The following B3GNT5 variants were observed in gnomAD, a reference collection of about 807,000 sequenced individuals.
B3GNT5 encodes UDP-GlcNAc:betaGal beta-1,3-N-acetylglucosaminyltransferase 5.
B3GNT5 carries 11 observed loss-of-function variants against 25.9 expected under a neutral mutation model. That is an observed-to-expected ratio of 0.42 (90% CI 0.27 to 0.70). B3GNT5 has a LOEUF of 0.70. B3GNT5 is among the 30% of genes least tolerant of loss of function. B3GNT5 has a pLI of 0.23. For synonymous variants in B3GNT5, 166 were observed against 158.6 expected (o/e 1.05, Z -0.35); for missense variants, 385 against 458.4 (o/e 0.84, Z 1.46).
At chr3:183,255,548 G>A (rs1263829721) in intron 1 of B3GNT5, among the ~76,000 whole-genome samples, 1 of 152,188 alleles carries the variant, frequency 6.6e-6, no homozygotes, top group African/African-American at 2.4e-5. Flanking sequence ...GGCCCTGCAA[G>A]GCTCTAAGGT....
At position 183,270,997 on chromosome 3, in the gene B3GNT5, TAAATGTTCGTCTATACCCTAAGTA is replaced by T; in HGVS notation, c.*68_*91del. The stretch of plus-strand genomic sequence containing the variant: ...GTCAAACCTGGATGAAAAAAACCTT[TAAATGTTCGTCTATACCCTAAGTA>T]AAATGAGGACGAAAGACAAATATTT... On this transcript the variant is annotated 3_prime_UTR_variant, in exon 2 of 2. Coordinates refer to ENST00000326505, the MANE Select transcript of B3GNT5 (RefSeq NM_032047.5). This position sits in a 1 kb window ranked among gnomAD's most constrained non-coding sequence, Gnocchi z 4.5. The T allele has an allele frequency of 6.9e-7, 1 of 1,443,090 alleles. No homozygotes were observed. The highest frequency in any genetic ancestry group is 1.4e-5 in the African/African-American group (1 of 69,990). 89.4% of individuals were successfully genotyped at this position (1,443,090 alleles called of 1,614,324 possible).
intron 1 of B3GNT5, among the ~76,000 whole-genome samples, chr3:183,264,778 T>G (rs530864629): frequency 3.6e-4 from 55 of 152,318 alleles, no homozygotes; most frequent in African/African-American, 1.3e-3. Context: ...CTTGTAGCCT[T>G]TGGGTGTTCT....
chr3:183,272,942 G>C lies in B3GNT5; in HGVS notation c.*2007G>C, dbSNP rs73184919. On this transcript the variant is annotated 3_prime_UTR_variant, in exon 2 of 2. Transcript: ENST00000326505. Reference sequence around the variant, plus strand: ...TCTGAACTGTGTCCTTTTAATTTTTGCTTAGAATAGAATGGAACAAGTTTA... The same window carrying C: ...TCTGAACTGTGTCCTTTTAATTTTTCCTTAGAATAGAATGGAACAAGTTTA... 56 of 1,410,324 alleles carry C rather than the reference G, an allele frequency of 4.0e-5. No individual in the cohort carries two copies. The highest frequency in any genetic ancestry group is 5.1e-5 in the Non-Finnish European group (55 of 1,079,570). The allele number at this position is 1,410,324 out of a possible 1,614,324, so 87.4% of individuals were successfully genotyped here.
Position 183,272,248 on chromosome 3 carries a change from C to T in B3GNT5, c.*1313C>T. 1.0e-6 allele frequency: 1 copy of T among 1,000,206 alleles called. No individual in the cohort carries two copies. The highest frequency in any genetic ancestry group is 1.2e-6 in the Non-Finnish European group (1 of 829,974). 62.0% of individuals were successfully genotyped at this position (1,000,206 alleles called of 1,614,324 possible). A position where few individuals can be genotyped will look rare whatever the true frequency, so the allele number is the denominator to read the frequency against. ...AGGATAAAAATGTGGCTATAATACACACTACCTCCCTTCACTACAGAAAGA... is the reference window on the plus strand; with the variant it reads ...AGGATAAAAATGTGGCTATAATACATACTACCTCCCTTCACTACAGAAAGA... On this transcript the variant is annotated 3_prime_UTR_variant, in exon 2 of 2. Coordinates refer to ENST00000326505, the MANE Select transcript of B3GNT5 (RefSeq NM_032047.5).
chr3:183,264,388 C>T (rs1725906993), intron 1 of B3GNT5, among the ~76,000 whole-genome samples: 1 of 152,244 alleles, frequency 6.6e-6, no homozygotes, highest in Non-Finnish European at 1.5e-5. Context: ...GTCATGCAGA[C>T]ACACTGTACC....
chr3:183,268,726 T>G lies in B3GNT5; in HGVS notation c.-301-772T>G, dbSNP rs1726404565. ...TGCATAAAGACTTCGAGTTAAACGG[T>G]CTTACCCCAATTTGTCAAATTTCTG... On this transcript the variant is annotated intron_variant, in intron 1 of 1. Transcript: ENST00000326505. Among the ~76,000 whole-genome samples, 3 of 152,268 alleles carry G rather than the reference T, an allele frequency of 2.0e-5. No individual in the cohort carries two copies. In the South Asian group the frequency reaches 6.2e-4, roughly 32 times the overall value.
chr3:183,258,699 T>C (rs1229562652), intron 1 of B3GNT5, among the ~76,000 whole-genome samples: 1 of 151,828 alleles, frequency 6.6e-6, no homozygotes, highest in African/African-American at 2.4e-5. Flanking sequence ...TGGTACAGCA[T>C]TTATATTATA....
rs577705368 is a variant in B3GNT5, at chr3:183,268,672, T to G, written c.-301-826T>G. ...TAGGTAATCATCTGTCTACTTCCCT[T>G]CATTTGTCATGTATATTCCCATTTA... On this transcript the variant is annotated intron_variant, in intron 1 of 1. Transcript: ENST00000326505. Among the ~76,000 whole-genome samples the G allele has an allele frequency of 3.9e-5, 6 of 152,306 alleles. No individual in the cohort carries two copies. In the East Asian group the frequency reaches 1.2e-3, roughly 29 times the overall value.
At chr3:183,264,755 T>A (rs1308122688) in intron 1 of B3GNT5, among the ~76,000 whole-genome samples, 2 of 152,196 alleles carry the variant, frequency 1.3e-5, no homozygotes, top group Non-Finnish European at 1.5e-5. Flanking sequence ...AATCAGGGAT[T>A]ATTGCAGGGA....
At chr3:183,259,027 A>C (rs1431220433) in intron 1 of B3GNT5, among the ~76,000 whole-genome samples, 1 of 152,202 alleles carries the variant, frequency 6.6e-6, no homozygotes, top group Non-Finnish European at 1.5e-5. Flanking sequence ...CACGACCATA[A>C]ATTTTTTTTT....
chr3:183,272,082 T>C lies in B3GNT5; in HGVS notation c.*1147T>C, dbSNP rs1006416432. The C allele has an allele frequency of 4.6e-6, 4 of 866,968 alleles. No individual in the cohort carries two copies. The African/African-American group carries it at 7.3e-5, about 16-fold the overall frequency. 53.7% of individuals were successfully genotyped at this position (866,968 alleles called of 1,614,324 possible). A position where few individuals can be genotyped will look rare whatever the true frequency, so the allele number is the denominator to read the frequency against. On this transcript the variant is annotated 3_prime_UTR_variant, in exon 2 of 2. Transcript: ENST00000326505. ...AGAGGTGATCTTTATTTTCTAAATA[T>C]TTCAAACTTGAAAACAGAGTAAAAA...
At chr3:183,264,145 C>G (rs1027261847) in intron 1 of B3GNT5, among the ~76,000 whole-genome samples, 2 of 152,200 alleles carry the variant, frequency 1.3e-5, no homozygotes, top group African/African-American at 4.8e-5. Flanking sequence ...TTCTGTACCC[C>G]CCTAAGACTC....
rs1726868192 is a variant in B3GNT5, at chr3:183,272,548, CTTG to C, written c.*1616_*1618del. The C allele has an allele frequency of 3.0e-6, 3 of 992,094 alleles. No homozygotes were observed. In the African/African-American group the frequency reaches 5.3e-5, roughly 17 times the overall value. 61.5% of individuals were successfully genotyped at this position (992,094 alleles called of 1,614,324 possible). A position where few individuals can be genotyped will look rare whatever the true frequency, so the allele number is the denominator to read the frequency against. Reference sequence around the variant, plus strand: ...TTTTTTTCTATTTTGAAATTTGAGGCTTGTTTACATTGCTTAGATAATTTAGAA... The same window carrying C: ...TTTTTTTCTATTTTGAAATTTGAGGCTTTACATTGCTTAGATAATTTAGAA... On this transcript the variant is annotated 3_prime_UTR_variant, in exon 2 of 2. Coordinates refer to ENST00000326505, the MANE Select transcript of B3GNT5 (RefSeq NM_032047.5).
rs188432305 is a variant in B3GNT5, at chr3:183,271,289, C to G, written c.*354C>G. On this transcript the variant is annotated 3_prime_UTR_variant, in exon 2 of 2. Coordinates refer to ENST00000326505, the MANE Select transcript of B3GNT5 (RefSeq NM_032047.5). ...TTGCTTTTGGAAAATACCAAATGAACGTACAGTACAACATTTCAAGGAAAT... is the reference window on the plus strand; with the variant it reads ...TTGCTTTTGGAAAATACCAAATGAAGGTACAGTACAACATTTCAAGGAAAT... 4 of 178,980 alleles carry G rather than the reference C, an allele frequency of 2.2e-5. No individual in the cohort carries two copies. The highest frequency in any genetic ancestry group is 4.8e-5 in the African/African-American group (2 of 41,710). 11.1% of individuals were successfully genotyped at this position (178,980 alleles called of 1,614,324 possible). A position where few individuals can be genotyped will look rare whatever the true frequency, so the allele number is the denominator to read the frequency against.
rs1213939107 is a variant in B3GNT5, at chr3:183,272,113, T to G, written c.*1178T>G. 2.0e-6 allele frequency: 2 copies of G among 994,828 alleles called. No individual in the cohort carries two copies. The highest frequency in any genetic ancestry group is 3.5e-5 in the African/African-American group (2 of 57,118). 61.6% of individuals were successfully genotyped at this position (994,828 alleles called of 1,614,324 possible). A position where few individuals can be genotyped will look rare whatever the true frequency, so the allele number is the denominator to read the frequency against. The stretch of plus-strand genomic sequence containing the variant: ...ACTTGAAAACAGAGTAAAAAAGTGA[T>G]AGAAAAGTTGCCAGTTTGGGGTTAA... On this transcript the variant is annotated 3_prime_UTR_variant, in exon 2 of 2. Coordinates refer to ENST00000326505, the MANE Select transcript of B3GNT5 (RefSeq NM_032047.5).
At position 183,272,894 on chromosome 3, in the gene B3GNT5, T is replaced by TA. The variant is rs1726904957; in HGVS notation, c.*1960dup. ...TACAGCAGTGCTTTTGTGAAACAAT[T>TA]ATTTATTTGCTGAAAGAGCTCTTCT... On this transcript the variant is annotated 3_prime_UTR_variant, in exon 2 of 2. Coordinates refer to ENST00000326505, the MANE Select transcript of B3GNT5 (RefSeq NM_032047.5). The TA allele has an allele frequency of 7.6e-7, 1 of 1,322,718 alleles. No individual in the cohort carries two copies. The highest frequency in any genetic ancestry group is 9.7e-7 in the Non-Finnish European group (1 of 1,028,006). 81.9% of individuals were successfully genotyped at this position (1,322,718 alleles called of 1,614,324 possible).
At chr3:183,262,870 G>A (rs1725749352) in intron 1 of B3GNT5, among the ~76,000 whole-genome samples, 1 of 152,044 alleles carries the variant, frequency 6.6e-6, no homozygotes. Flanking sequence ...CTGCCTGCCT[G>A]GTAAGTCCCA....
Position 183,261,995 on chromosome 3 carries a change from C to CATAT in B3GNT5, c.-301-7488_-301-7485dup, listed in dbSNP as rs61309164. Reference sequence around the variant, plus strand: ...AAAAAAAAGAATAGAATTGGGCATTCATATATATATATATATATGAATATT... The same window carrying CATAT: ...AAAAAAAAGAATAGAATTGGGCATTCATATATATATATATATATATATGAATATT... On this transcript the variant is annotated intron_variant, in intron 1 of 1. Coordinates refer to ENST00000326505, the MANE Select transcript of B3GNT5 (RefSeq NM_032047.5). Among the ~76,000 whole-genome samples the CATAT allele has an allele frequency of 3.0e-4, 38 of 128,632 alleles. No individual in the cohort carries two copies. The East Asian group carries it at 5.5e-3, about 19-fold the overall frequency. 84.4% of individuals were successfully genotyped at this position (128,632 alleles called of 152,430 possible). A position where few individuals can be genotyped will look rare whatever the true frequency, so the allele number is the denominator to read the frequency against.
rs1246972264 is a variant in B3GNT5 at position 183,272,251 on chromosome 3, T to C, written c.*1316T>C. 2 of 1,000,154 alleles carry C rather than the reference T, an allele frequency of 2.0e-6. No homozygotes were observed. Among genetic ancestry groups the C allele is most frequent in the Non-Finnish European group, 2.4e-6 (2 of 829,986 alleles). 62.0% of individuals were successfully genotyped at this position (1,000,154 alleles called of 1,614,324 possible). On this transcript the variant is annotated 3_prime_UTR_variant, in exon 2 of 2. Coordinates refer to ENST00000326505, the MANE Select transcript of B3GNT5 (RefSeq NM_032047.5). ...ATAAAAATGTGGCTATAATACACACTACCTCCCTTCACTACAGAAAGAACT... is the reference window on the plus strand; with the variant it reads ...ATAAAAATGTGGCTATAATACACACCACCTCCCTTCACTACAGAAAGAACT...
Sources: gnomAD v4.1 joint callset for allele counts (sites outside exome capture counted in the v4.1 genomes callset) on GRCh38, gnomAD v4.1.1 for gene constraint, Gnocchi (gnomAD v3.1) non-coding constraint, MANE v1.5 for transcripts, NCBI Gene and HGNC (gene_info 2026-07-23, HGNC 2026-07-21) for gene names.